TET1: variants seen among roughly 807,000 people sequenced by gnomAD.
The protein encoded by TET1 is methylcytosine dioxygenase TET1.
Under a neutral mutation model 148.7 loss-of-function variants are expected in TET1, and 13 were observed. The ratio of observed to expected loss-of-function variants is 0.09; its 90% CI spans 0.06 to 0.14. TET1 has a LOEUF of 0.14. Among genes scored for constraint, TET1 ranks in the 10% least tolerant of loss-of-function variants. The pLI, the probability that TET1 is intolerant of heterozygous loss-of-function variation, is 1.00. For synonymous variants in TET1, 907 were observed against 937.2 expected, an observed-to-expected ratio of 0.97 and a Z score of 0.59; for missense variants, 2,182 against 2,553.8, an observed-to-expected ratio of 0.85 and a Z score of 3.14.
chr10:68,657,544 G>A (rs368072659), intron 6 of TET1, among the ~76,000 whole-genome samples: 5 of 152,144 alleles, frequency 3.3e-5, no homozygotes, highest in African/African-American at 1.2e-4. Flanking sequence ...GAGGCTGGAC[G>A]ATTGCTTGAG....
intron 7 of TET1, among the ~76,000 whole-genome samples, chr10:68,669,431 C>T (rs1291478304): frequency 1.4e-5 from 2 of 147,750 alleles, no homozygotes; most frequent in East Asian, 4.0e-4. Flanking sequence ...CTGTCTCAGC[C>T]TCCCAAGTAG....
chr10:68,601,763 T>G (rs1271727440), intron 3 of TET1, among the ~76,000 whole-genome samples: 1 of 152,184 alleles, frequency 6.6e-6, no homozygotes. Context: ...CTTATGTGTT[T>G]AAGATTTCAA....
intron 1 of TET1, among the ~76,000 whole-genome samples, chr10:68,564,219 G>A (rs1048239159): frequency 3.3e-5 from 5 of 150,250 alleles, no homozygotes; most frequent in Admixed American, 6.7e-5. Context: ...TGTGATCTCC[G>A]CTTACTGCAA....
intron 11 of TET1, among the ~76,000 whole-genome samples, 184 bp downstream of exon 11, chr10:68,686,891 C>CTT (rs777246216): frequency 1.1e-3 from 153 of 144,726 alleles, no homozygotes; most frequent in African/African-American, 3.7e-3. Context: ...TCGACTTATC[C>CTT]TTTTTTTTTT....
intron 2 of TET1, among the ~76,000 whole-genome samples, chr10:68,587,450 A>G (rs1351494723): frequency 6.6e-6 from 1 of 152,080 alleles, no homozygotes; most frequent in Non-Finnish European, 1.5e-5. Context: ...TTGCAGGGAG[A>G]TTTGTCTACT....
chr10:68,628,229 G>A (rs2054517321), intron 3 of TET1, among the ~76,000 whole-genome samples: 1 of 152,208 alleles, frequency 6.6e-6, no homozygotes, highest in Non-Finnish European at 1.5e-5. Flanking sequence ...TTACAGGCAT[G>A]AGCCACTGCC....
chr10:68,603,333 A>T (rs190004472), intron 3 of TET1, among the ~76,000 whole-genome samples: 2 of 152,276 alleles, frequency 1.3e-5, no homozygotes, highest in African/African-American at 4.8e-5. Context: ...AAGTAGTTGG[A>T]TACGTGAAGA....
chr10:68,573,535 T>C lies in TET1; in HGVS notation c.1197T>C (p.Pro399=), dbSNP rs1435388706. ...AGACCCCAGATCTACCAGAGATTCCTGGTGCTATTCCAGTCCAAGGAGAGG... is the reference window on the plus strand; with the variant it reads ...AGACCCCAGATCTACCAGAGATTCCCGGTGCTATTCCAGTCCAAGGAGAGG... ...LGETPDLPEI[P]GAIPVQGEVF... Residue 399 remains proline (P), a synonymous_variant, in exon 2 of 12, where the codon CCT becomes CCC. Coordinates refer to ENST00000373644, the MANE Select transcript of TET1 (RefSeq NM_030625.3). 6.2e-6 allele frequency: 10 copies of C among 1,614,220 alleles called. No homozygotes were observed.
At chr10:68,657,254 G>C (rs932409528) in intron 6 of TET1, among the ~76,000 whole-genome samples, 4 of 151,904 alleles carry the variant, frequency 2.6e-5, no homozygotes, top group Non-Finnish European at 4.4e-5. Flanking sequence ...TCGGCTCACT[G>C]CAAGCTCCAC....
chr10:68,658,302 C>T (rs1321435585), intron 6 of TET1, among the ~76,000 whole-genome samples: 1 of 151,982 alleles, frequency 6.6e-6, no homozygotes, highest in Non-Finnish European at 1.5e-5. Context: ...ACCTCTGCCT[C>T]CCAGATTCAA....
chr10:68,655,161 C>T (rs1170131586), intron 6 of TET1, among the ~76,000 whole-genome samples: 3 of 152,190 alleles, frequency 2.0e-5, no homozygotes, highest in Non-Finnish European at 4.4e-5. Context: ...CAAGACCCCA[C>T]ATCTCTTTTG....
In TET1 at chr10:68,691,994, T is replaced by C. The variant is rs941892985; in HGVS notation, c.*180T>C. 2.3e-5 allele frequency: 16 copies of C among 689,882 alleles called. No homozygotes were observed. Among genetic ancestry groups the C allele is most frequent in the Non-Finnish European group, 3.4e-5 (15 of 438,122 alleles). The allele number at this position is 689,882 out of a possible 1,614,324, so 42.7% of individuals were successfully genotyped here. A position where few individuals can be genotyped will look rare whatever the true frequency, so the allele number is the denominator to read the frequency against. On this transcript the variant is annotated 3_prime_UTR_variant, in exon 12 of 12. Coordinates refer to ENST00000373644, the MANE Select transcript of TET1 (RefSeq NM_030625.3). This position sits in a 1 kb window ranked among gnomAD's most constrained non-coding sequence, Gnocchi z 4.4. Reference sequence around the variant, plus strand: ...CTTAACTGTGACTATATTTTGACAATTGGTAGAAGGTGCACATTTTAAGCA... The same window carrying C: ...CTTAACTGTGACTATATTTTGACAACTGGTAGAAGGTGCACATTTTAAGCA...
chr10:68,651,502 A>G (rs1201818620), intron 4 of TET1, among the ~76,000 whole-genome samples: 1 of 152,116 alleles, frequency 6.6e-6, no homozygotes, highest in Non-Finnish European at 1.5e-5. Flanking sequence ...GGCAACCTTT[A>G]ACATTTATTG....
At chr10:68,571,121 G>A (rs2053665134) in intron 1 of TET1, among the ~76,000 whole-genome samples, 1 of 150,040 alleles carries the variant, frequency 6.7e-6, no homozygotes, top group Admixed American at 6.7e-5. Flanking sequence ...CTCCTGAGTA[G>A]CTGGGATTAC....
At chr10:68,602,722 T>A (rs879540619) in intron 3 of TET1, among the ~76,000 whole-genome samples, 2 of 152,192 alleles carry the variant, frequency 1.3e-5, no homozygotes, top group Non-Finnish European at 2.9e-5. Context: ...GTGGCCACAT[T>A]TCATCTGCAA....
chr10:68,641,721 T>C (rs1275943177), intron 3 of TET1, among the ~76,000 whole-genome samples: 1 of 152,080 alleles, frequency 6.6e-6, no homozygotes, highest in Non-Finnish European at 1.5e-5. Flanking sequence ...CAAGATGGTC[T>C]CGATCTCCTG....
intron 2 of TET1, among the ~76,000 whole-genome samples, chr10:68,589,195 A>G (rs1249835583): frequency 2.0e-5 from 3 of 152,046 alleles, no homozygotes; most frequent in African/African-American, 7.2e-5. Flanking sequence ...GTAATTCTTC[A>G]CTATCATGGT....
At chr10:68,575,791 G>A (rs2053722609) in intron 2 of TET1, among the ~76,000 whole-genome samples, 1 of 151,976 alleles carries the variant, frequency 6.6e-6, no homozygotes, top group African/African-American at 2.4e-5. Flanking sequence ...GGAGGCCGAG[G>A]TGGGCCGATC....
intron 2 of TET1, among the ~76,000 whole-genome samples, chr10:68,576,318 TC>T (rs1425038946): frequency 1.4e-5 from 2 of 147,954 alleles, no homozygotes. Context: ...GCCACTGCAC[TC>T]CAGCAGGGGC....
Sources: gnomAD v4.1 joint callset for allele counts (sites outside exome capture counted in the v4.1 genomes callset) on GRCh38, gnomAD v4.1.1 for gene constraint, Gnocchi (gnomAD v3.1) non-coding constraint, MANE v1.5 for transcripts, NCBI Gene and HGNC (gene_info 2026-07-23, HGNC 2026-07-21) for gene names.